The following ZFHX3 variants were observed in gnomAD, a reference collection of about 807,000 sequenced individuals.
ZFHX3 encodes zinc finger homeobox protein 3.
In ZFHX3, 42 loss-of-function variants were observed where a neutral mutation model predicts 279.1. The ratio of observed to expected loss-of-function variants is 0.15; its 90% CI spans 0.12 to 0.19. ZFHX3 has a LOEUF of 0.19. Among genes scored for constraint, ZFHX3 ranks in the 10% least tolerant of loss-of-function variants. ZFHX3 has a pLI of 1.00. For missense variants in ZFHX3, 4,981 were observed against 4,754.0 expected, an observed-to-expected ratio of 1.05 and a Z score of -1.40; for synonymous variants, 2,293 against 1,957.8, an observed-to-expected ratio of 1.17 and a Z score of -4.52.
At chr16:73,093,813 T>C (rs759831486) in intron 7 of ZFHX3, 27 of 266,966 alleles carry the variant, frequency 1.0e-4, no homozygotes, top group Non-Finnish European at 2.3e-5. Context: ...TGTTCACTTT[T>C]ATTTATTTTT....
At chr16:72,836,448 G>A (rs184443009) in intron 4 of ZFHX3, among the ~76,000 whole-genome samples, 3 of 152,252 alleles carry the variant, frequency 2.0e-5, no homozygotes, top group East Asian at 1.9e-4. Flanking sequence ...ACTTCCAAGC[G>A]ATTAGGTCTT....
intron 2 of ZFHX3, among the ~76,000 whole-genome samples, chr16:73,560,644 G>A (rs1230579015): frequency 1.3e-5 from 2 of 152,176 alleles, no homozygotes; most frequent in Non-Finnish European, 2.9e-5. Context: ...GGCCCAGACT[G>A]GGGATTCAGC....
intron 2 of ZFHX3, among the ~76,000 whole-genome samples, chr16:73,619,856 C>T (rs889692628): frequency 6.6e-6 from 1 of 152,178 alleles, no homozygotes; most frequent in African/African-American, 2.4e-5. Context: ...AAGTTTTTCT[C>T]ATGTGAGTCT....
At chr16:73,406,042 G>A (rs12597270) in intron 3 of ZFHX3, among the ~76,000 whole-genome samples, 23,485 of 152,302 alleles carry the variant, frequency 0.15, 1,910 homozygotes, top group African/African-American at 0.2. Flanking sequence ...CGGGTAGAGG[G>A]AACACACATT....
At chr16:73,240,945 T>G (rs1050285231) in intron 5 of ZFHX3, among the ~76,000 whole-genome samples, 3 of 152,250 alleles carry the variant, frequency 2.0e-5, no homozygotes, top group Non-Finnish European at 4.4e-5. Flanking sequence ...TCTGGCAAAG[T>G]TCATCTGTGC....
At chr16:72,934,441 A>G (rs1960004918) in intron 3 of ZFHX3, among the ~76,000 whole-genome samples, 1 of 152,112 alleles carries the variant, frequency 6.6e-6, no homozygotes, top group African/African-American at 2.4e-5. Context: ...AATAAAACAG[A>G]GTAGTATCCA....
At chr16:73,266,733 T>C (rs1047165447) in intron 4 of ZFHX3, among the ~76,000 whole-genome samples, 1 of 152,234 alleles carries the variant, frequency 6.6e-6, no homozygotes, top group African/African-American at 2.4e-5. Flanking sequence ...GTTCTCATGA[T>C]AGTGAATAAG....
At chr16:73,581,724 G>A (rs549133618) in intron 2 of ZFHX3, among the ~76,000 whole-genome samples, 2 of 128,168 alleles carry the variant, frequency 1.6e-5, no homozygotes, top group South Asian at 2.4e-4. Context: ...AGGCTGGAGT[G>A]CAGTGGCACG....
At chr16:73,096,958 G>T (rs186975142) in intron 7 of ZFHX3, among the ~76,000 whole-genome samples, 146 of 152,158 alleles carry the variant, frequency 9.6e-4, no homozygotes, top group Non-Finnish European at 4.1e-4. Flanking sequence ...GTAAAGAAAC[G>T]GCCACAGGGA....
chr16:73,187,563 T>C (rs907853285), intron 5 of ZFHX3, among the ~76,000 whole-genome samples: 3 of 152,124 alleles, frequency 2.0e-5, no homozygotes, highest in Non-Finnish European at 4.4e-5. Flanking sequence ...ATTTCAGAAG[T>C]GAATGTGCTG....
intron 3 of ZFHX3, among the ~76,000 whole-genome samples, chr16:73,352,335 C>A (rs1286038173): frequency 6.6e-6 from 1 of 152,136 alleles, no homozygotes; most frequent in African/African-American, 2.4e-5. Context: ...TAAGCATGGG[C>A]AATAGCTTGA....
chr16:72,984,381 C>T (rs985354703), intron 1 of ZFHX3, among the ~76,000 whole-genome samples: 6 of 152,272 alleles, frequency 3.9e-5, no homozygotes, highest in African/African-American at 1.4e-4. Context: ...AATCCCAGTA[C>T]TCTGGGAGGC....
chr16:73,416,037 T>G (rs760899456), intron 3 of ZFHX3, among the ~76,000 whole-genome samples: 35 of 150,788 alleles, frequency 2.3e-4, no homozygotes, highest in Non-Finnish European at 3.4e-4. Context: ...GGAGAATCGC[T>G]TGAACCCGGG....
At chr16:73,676,466 A>G (rs772644357) in intron 2 of ZFHX3, among the ~76,000 whole-genome samples, 19 of 151,956 alleles carry the variant, frequency 1.3e-4, no homozygotes, top group Non-Finnish European at 2.1e-4. Flanking sequence ...GTTTTGAGAA[A>G]TTAGATCCAA....
At chr16:73,741,857 A>C (rs2053660778) in intron 1 of ZFHX3, among the ~76,000 whole-genome samples, 1 of 152,244 alleles carries the variant, frequency 6.6e-6, no homozygotes, top group African/African-American at 2.4e-5. Context: ...TGCAAAACAG[A>C]ATGTAGTCTT....
chr16:73,650,212 GT>G (rs1257165484), intron 2 of ZFHX3, among the ~76,000 whole-genome samples: 1 of 151,962 alleles, frequency 6.6e-6, no homozygotes, highest in Non-Finnish European at 1.5e-5. Flanking sequence ...GAACCTTTAA[GT>G]AGCTATTTAA....
rs773258955 is a variant in ZFHX3 at position 72,958,735 on chromosome 16, C to T, written c.1411G>A (p.Glu471Lys). 5.6e-6 allele frequency: 9 copies of T among 1,612,156 alleles called. No homozygotes were observed. Among genetic ancestry groups the T allele is most frequent in the Non-Finnish European group, 7.6e-6 (9 of 1,178,800 alleles). Residue 471 changes from glutamate to lysine, a missense_variant, in exon 2 of 10, where the codon GAG becomes AAG. Glu to Lys is a moderately conservative substitution (Grantham distance 56). This residue lies in a region of ZFHX3 where 1,068 missense variants were observed against 935.2 expected (regional missense o/e 1.14). Transcript: ENST00000268489. Reference protein sequence around the residue: ...EEAEEEEEEEEAEEEEEEEEE... With the variant: ...EEAEEEEEEEKAEEEEEEEEE... ...TCTTCTTCCTCCTCCTCCTCCGCCT[C>T]TTCCTCCTCCTCTTCCTCCTCCGCC... is the stretch of plus-strand genomic sequence containing the variant.
At chr16:73,339,609 G>A (rs1368352645) in intron 3 of ZFHX3, among the ~76,000 whole-genome samples, 1 of 152,146 alleles carries the variant, frequency 6.6e-6, no homozygotes, top group African/African-American at 2.4e-5. Context: ...CCAATAGTAG[G>A]AGAGAAAATT....
chr16:73,278,962 A>G (rs1321689483), intron 4 of ZFHX3, among the ~76,000 whole-genome samples: 1 of 152,216 alleles, frequency 6.6e-6, no homozygotes, highest in Non-Finnish European at 1.5e-5. Flanking sequence ...GAGTGCTTCA[A>G]AAAATTTTCA....
Sources: gnomAD v4.1 joint callset for allele counts (sites outside exome capture counted in the v4.1 genomes callset) on GRCh38, gnomAD v4.1.1 for gene constraint, gnomAD v4.1.1 regional missense constraint, MANE v1.5 for transcripts, NCBI Gene and HGNC (gene_info 2026-07-23, HGNC 2026-07-21) for gene names.